RAD9A: variants seen among roughly 807,000 people sequenced by gnomAD.
RAD9A encodes cell cycle checkpoint control protein RAD9A.
A neutral mutation model predicts 41.2 loss-of-function variants in RAD9A; 25 were observed. That is an observed-to-expected ratio of 0.61 (90% CI 0.44 to 0.85). The LOEUF is 0.85. Among genes scored for constraint, RAD9A ranks in the 40% least tolerant of loss-of-function variants. The pLI, the probability that RAD9A is intolerant of heterozygous loss-of-function variation, is 0.00. For missense variants in RAD9A, 514 were observed against 518.3 expected, an observed-to-expected ratio of 0.99 and a Z score of 0.08; for synonymous variants, 252 against 210.6, an observed-to-expected ratio of 1.20 and a Z score of -1.70.
rs1862700320 is a variant in RAD9A, at chr11:67,396,474, T to C, written c.872+74T>C. The C allele has an allele frequency of 1.0e-5, 16 of 1,539,156 alleles. No individual in the cohort carries two copies. The Admixed American group carries it at 2.7e-4, about 26-fold the overall frequency. ...CAGCCTGAGACTGCAACTCCTAGCTTCTGCACCTCCCCGCAATGTGTTCTC... is the reference window on the plus strand; with the variant it reads ...CAGCCTGAGACTGCAACTCCTAGCTCCTGCACCTCCCCGCAATGTGTTCTC... On this transcript the variant is annotated intron_variant, in intron 9 of 10. Coordinates refer to ENST00000307980, the MANE Select transcript of RAD9A (RefSeq NM_004584.3).
Position 67,397,604 on chromosome 11 carries a change from A to G in RAD9A, c.*45A>G, listed in dbSNP as rs1164168843. On this transcript the variant is annotated 3_prime_UTR_variant, in exon 11 of 11. Coordinates refer to ENST00000307980, the MANE Select transcript of RAD9A (RefSeq NM_004584.3). Reference sequence around the variant, plus strand: ...TACCCAGAGGCCTTGGACTAGACGAAGCCCCAGCCAGTGGCAGAACTGGGT... The same window carrying G: ...TACCCAGAGGCCTTGGACTAGACGAGGCCCCAGCCAGTGGCAGAACTGGGT... 2.0e-6 allele frequency: 3 copies of G among 1,493,836 alleles called. No individual in the cohort carries two copies. The East Asian group carries it at 6.8e-5, about 34-fold the overall frequency. 92.5% of individuals were successfully genotyped at this position (1,493,836 alleles called of 1,614,324 possible).
At position 67,397,230 on chromosome 11, in the gene RAD9A, C is replaced by T. The variant is rs201497240; in HGVS notation, c.924C>T (p.Ile308=). 31 of 1,613,710 alleles carry T rather than the reference C, an allele frequency of 1.9e-5. No individual in the cohort carries two copies. Among genetic ancestry groups the T allele is most frequent in the East Asian group, 2.2e-5 (1 of 44,894 alleles). Residue 308 remains isoleucine, a synonymous_variant, in exon 10 of 11, where the codon ATC becomes ATT. Coordinates refer to ENST00000307980, the MANE Select transcript of RAD9A (RefSeq NM_004584.3). ...FANDDIDSYM[I]AMETTIGNEG... is the part of the protein sequence containing the mutation. ...ATGACGACATTGACTCTTACATGAT[C>T]GCCATGGAAACCACTATAGGCAATG...
Position 67,397,949 on chromosome 11 carries a change from A to G in RAD9A, c.*390A>G, listed in dbSNP as rs1363733205. 4 of 230,644 alleles carry G rather than the reference A, an allele frequency of 1.7e-5. No individual in the cohort carries two copies. In the East Asian group the frequency reaches 4.9e-4, roughly 28 times the overall value. The allele number at this position is 230,644 out of a possible 1,614,324, so 14.3% of individuals were successfully genotyped here. On this transcript the variant is annotated 3_prime_UTR_variant, in exon 11 of 11. Transcript: ENST00000307980. ...CCCCTGGTGATCCAGCTTCTCTGCC[A>G]ATCATGACCTGTTCCTTCCTGAAGT...
In RAD9A at chr11:67,396,177, T is replaced by C; in HGVS notation, c.734+2T>C. The C allele has an allele frequency of 1.2e-6, 2 of 1,613,662 alleles. No individual in the cohort carries two copies. Among genetic ancestry groups the C allele is most frequent in the Non-Finnish European group, 1.7e-6 (2 of 1,179,600 alleles). ...CATTCATTTTGATGCTCCAGGCAGG[T>C]AGTTCCCAGCCTTGGGACAGGGAAG... On this transcript the variant is annotated splice_donor_variant, in intron 8 of 10. Transcript: ENST00000307980. LOFTEE classifies it high-confidence loss of function.
chr11:67,396,211 G>A (rs1179983163), intron 8 of RAD9A, 36 bp downstream of exon 8: 2 of 1,614,092 alleles, frequency 1.2e-6, no homozygotes. Flanking sequence ...AGGGCTCTGG[G>A]ATGGCAGGAG....
chr11:67,393,754 C>A lies in RAD9A; in HGVS notation c.413C>A (p.Pro138Gln). The change falls in exon 5 of 11, where the codon CCA becomes CAA. Residue 138 changes from proline (P) to glutamine (Q), a missense_variant. Coordinates refer to ENST00000307980, the MANE Select transcript of RAD9A (RefSeq NM_004584.3). The part of the protein sequence containing the change: ...DCESLQAVFD[P>Q]ASCPHMLRAP... ...GAGTCCCTGCAGGCCGTCTTCGACC[C>A]AGCCTCGTGCCCCCACATGCTCCGC... The A allele has an allele frequency of 6.2e-7, 1 of 1,612,122 alleles. No homozygotes were observed. Among genetic ancestry groups the A allele is most frequent in the Non-Finnish European group, 8.5e-7 (1 of 1,179,462 alleles).
chr11:67,397,151 C>G (rs765754655), intron 9 of RAD9A, 28 bp from the exon 10 acceptor site: 1 of 1,572,320 alleles, frequency 6.4e-7, no homozygotes, highest in Admixed American at 1.7e-5. Context: ...CCCCAGTCCC[C>G]TCCCTGATAC....
Position 67,396,046 on chromosome 11 carries a change from C to T in RAD9A, c.669+25C>T, listed in dbSNP as rs372877970. On this transcript the variant is annotated intron_variant, in intron 7 of 10. Coordinates refer to ENST00000307980, the MANE Select transcript of RAD9A (RefSeq NM_004584.3). ...GGTGAGGTTCCTCCCAGGCGCTCGCCGTCCTGTCCTCCCTGCCCAGCTCAG... is the reference window on the plus strand; with the variant it reads ...GGTGAGGTTCCTCCCAGGCGCTCGCTGTCCTGTCCTCCCTGCCCAGCTCAG... The T allele has an allele frequency of 1.5e-5, 25 of 1,613,500 alleles. No homozygotes were observed. In the African/African-American group the frequency reaches 1.9e-4, roughly 12 times the overall value.
At position 67,397,481 on chromosome 11, in the gene RAD9A, C is replaced by G. The variant is rs374361797; in HGVS notation, c.1098C>G (p.Phe366Leu). The G allele has an allele frequency of 1.9e-6, 3 of 1,611,826 alleles. No individual in the cohort carries two copies. Among genetic ancestry groups the G allele is most frequent in the South Asian group, 2.2e-5 (2 of 90,978 alleles). Residue 366 changes from phenylalanine to leucine, a missense_variant, in exon 11 of 11, where the codon TTC (phenylalanine) becomes TTG (leucine). By Grantham distance (22) the Phe-to-Leu change is conservative (BLOSUM62 0). Coordinates refer to ENST00000307980, the MANE Select transcript of RAD9A (RefSeq NM_004584.3). Reference protein sequence around the residue: ...PPPKKFRSLFFGSILAPVRSP... With the variant: ...PPPKKFRSLFLGSILAPVRSP... ...CTTTCCAGTTCCGCTCACTGTTCTTCGGCTCCATCCTGGCCCCTGTACGCT... is the reference window on the plus strand; with the variant it reads ...CTTTCCAGTTCCGCTCACTGTTCTTGGGCTCCATCCTGGCCCCTGTACGCT...
rs1004986069 is a variant in RAD9A, at chr11:67,393,592, C to T, written c.331C>T (p.Gln111Ter). Residue 111 changes from glutamine to a stop codon, truncating the protein, a stop_gained, in exon 4 of 11, where the codon CAG (glutamine) becomes TAG (stop). Transcript: ENST00000307980. LOFTEE classifies it high-confidence loss of function. The stretch of plus-strand genomic sequence containing the variant: ...TGGCCGGAGCAGCCGCCTGGTGGTC[C>T]AGCTGCATTGCAAGTTCGGTGAGTG... ...LNGRSSRLVV[Q>*]LHCKFGVRKT... 1.9e-6 allele frequency: 3 copies of T among 1,614,066 alleles called. No homozygotes were observed. In the African/African-American group the frequency reaches 4.0e-5, roughly 22 times the overall value.
chr11:67,394,971 G>A (rs756241206), intron 5 of RAD9A, among the ~76,000 whole-genome samples: 23 of 151,258 alleles, frequency 1.5e-4, no homozygotes, highest in Non-Finnish European at 2.4e-4. Context: ...ATAGAGTCTC[G>A]CTCTGTCACC....
intron 5 of RAD9A, 67 bp from the exon 6 acceptor site, chr11:67,395,649 A>G (rs764849306): frequency 8.0e-7 from 1 of 1,250,556 alleles, no homozygotes. Context: ...CCCCCACCTC[A>G]GGTCCTCCGA....
chr11:67,396,024 G>A lies in RAD9A; in HGVS notation c.669+3G>A. 6.2e-7 allele frequency: 1 copy of A among 1,614,120 alleles called. No individual in the cohort carries two copies. Among genetic ancestry groups the A allele is most frequent in the Non-Finnish European group, 8.5e-7 (1 of 1,179,994 alleles). ...CTTTCTGCCTCAAGGAATTCCGGGT[G>A]AGGTTCCTCCCAGGCGCTCGCCGTC... is the stretch of plus-strand genomic sequence containing the variant. On this transcript the variant is annotated splice_donor_region_variant and intron_variant, in intron 7 of 10. Coordinates refer to ENST00000307980, the MANE Select transcript of RAD9A (RefSeq NM_004584.3).
Position 67,392,009 on chromosome 11 carries a change from G to C in RAD9A, c.-36G>C. The C allele has an allele frequency of 6.5e-7, 1 of 1,546,446 alleles. No homozygotes were observed. The highest frequency in any genetic ancestry group is 8.7e-7 in the Non-Finnish European group (1 of 1,148,342). On this transcript the variant is annotated 5_prime_UTR_variant, in exon 1 of 11. Transcript: ENST00000307980. ...CCGGACCCGGAGGTCGCGGAGAGCT[G>C]GGCAGTGTTGGCCGCTGGCGGAGCG...
Position 67,396,416 on chromosome 11 carries a change from C to T in RAD9A, c.872+16C>T. ...AGGCTCACAGGTGAGGGCACCTCCCCCCAACTCCTCCTCTCTCCATGTCTG... is the reference window on the plus strand; with the variant it reads ...AGGCTCACAGGTGAGGGCACCTCCCTCCAACTCCTCCTCTCTCCATGTCTG... On this transcript the variant is annotated intron_variant, in intron 9 of 10. Coordinates refer to ENST00000307980, the MANE Select transcript of RAD9A (RefSeq NM_004584.3). The T allele has an allele frequency of 1.2e-6, 2 of 1,612,718 alleles. No individual in the cohort carries two copies. The highest frequency in any genetic ancestry group is 1.7e-6 in the Non-Finnish European group (2 of 1,179,484).
rs183592297 is a variant in RAD9A, at chr11:67,393,152, C to T, written c.235-344C>T. The T allele has an allele frequency of 1.1e-3, 504 of 470,622 alleles. 2 individuals are homozygous for T. The highest frequency in any genetic ancestry group is 9.2e-3 in the African/African-American group (455 of 49,648). The allele number at this position is 470,622 out of a possible 1,614,324, so 29.2% of individuals were successfully genotyped here. A position where few individuals can be genotyped will look rare whatever the true frequency, so the allele number is the denominator to read the frequency against. On this transcript the variant is annotated intron_variant, in intron 3 of 10. Transcript: ENST00000307980. The stretch of plus-strand genomic sequence containing the variant: ...AAAATTAGCTGGGCGTGGTGGCACG[C>T]GCCTGTAATCCCAGCTACTCGGGAG...
At position 67,397,264 on chromosome 11, in the gene RAD9A, C is replaced by CG. The variant is rs1473136887; in HGVS notation, c.961dup (p.Val321GlyfsTer26). ...AACCACTATAGGCAATGAGGGCTCG[C>CG]GGGTGCTGCCCTCCATTTCCCTTTC... On this transcript the variant is annotated frameshift_variant, in exon 10 of 11. Coordinates refer to ENST00000307980, the MANE Select transcript of RAD9A (RefSeq NM_004584.3). LOFTEE classifies it high-confidence loss of function. 1 of 1,611,052 alleles carries CG rather than the reference C, an allele frequency of 6.2e-7. No homozygotes were observed. Among genetic ancestry groups the CG allele is most frequent in the Non-Finnish European group, 8.5e-7 (1 of 1,177,862 alleles).
At chr11:67,392,575 G>A (rs1374825903) in intron 2 of RAD9A, 79 bp from the exon 3 acceptor site, 2 of 1,563,324 alleles carry the variant, frequency 1.3e-6, no homozygotes, top group Non-Finnish European at 1.7e-6. Context: ...TAGGGCAAGT[G>A]TGTGAGCAGA....
chr11:67,396,191 G>A lies in RAD9A; in HGVS notation c.734+16G>A, dbSNP rs768189347. 2 of 1,613,858 alleles carry A rather than the reference G, an allele frequency of 1.2e-6. No homozygotes were observed. The highest frequency in any genetic ancestry group is 3.3e-5 in the Admixed American group (2 of 60,022). On this transcript the variant is annotated intron_variant, in intron 8 of 10. Coordinates refer to ENST00000307980, the MANE Select transcript of RAD9A (RefSeq NM_004584.3). ...CTCCAGGCAGGTAGTTCCCAGCCTT[G>A]GGACAGGGAAGGGCTCTGGGATGGC... is the stretch of plus-strand genomic sequence containing the variant.
Sources: gnomAD v4.1 joint callset for allele counts (sites outside exome capture counted in the v4.1 genomes callset) on GRCh38, gnomAD v4.1.1 for gene constraint, MANE v1.5 for transcripts, NCBI Gene and HGNC (gene_info 2026-07-23, HGNC 2026-07-21) for gene names.